PRELID2: variants seen among roughly 807,000 people sequenced by gnomAD.
PRELID2 encodes PRELI domain containing 2, also known as PRELI domain-containing protein 2.
PRELID2 carries 25 observed loss-of-function variants against 28.4 expected under a neutral mutation model. That is an observed-to-expected ratio of 0.88 (90% CI 0.64 to 1.23). PRELID2 has a LOEUF of 1.23. PRELID2 is among the 50% of genes most tolerant of loss of function. PRELID2 has a pLI of 0.00. For missense variants in PRELID2, 201 were observed against 214.4 expected (o/e 0.94, Z 0.39); for synonymous variants, 76 against 71.6 (o/e 1.06, Z -0.31).
At chr5:145,305,887 C>CAGA in the PRELID2 span, among the ~76,000 whole-genome samples, 5 of 152,276 alleles carry the variant, frequency 3.3e-5, no homozygotes, top group South Asian at 6.2e-4. Flanking sequence ...CATTTTTGTG[C>CAGA]AGATGCCCAT....
chr5:145,769,302 G>T (rs1757962413), intron 5 of PRELID2, among the ~76,000 whole-genome samples: 1 of 152,044 alleles, frequency 6.6e-6, no homozygotes, highest in South Asian at 2.1e-4. Context: ...TATCTCGCAG[G>T]TTCATTTCCC....
chr5:145,241,211 G>A, the PRELID2 span, among the ~76,000 whole-genome samples: 40,818 of 151,758 alleles, frequency 0.27, 6,036 homozygotes, highest in Non-Finnish European at 0.31. Context: ...ATACATCTAT[G>A]AGACTAGACT....
rs1274760832 is a variant in PRELID2, at chr5:145,756,774, T to C, written c.*3762A>G. Among the ~76,000 whole-genome samples the C allele has an allele frequency of 1.3e-5, 2 of 152,120 alleles. No individual in the cohort carries two copies. The highest frequency in any genetic ancestry group is 2.9e-5 in the Non-Finnish European group (2 of 68,028). On this transcript the variant is annotated 3_prime_UTR_variant, in exon 7 of 7. Transcript: ENST00000683046. ...ATCCTCTCTACTCTTATTCAACATA[T>C]AGTATGCAGTTACACAATTTCCCAA...
At chr5:145,503,257 T>C (rs777852366) in intron 1 of PRELID2, among the ~76,000 whole-genome samples, 5 of 152,122 alleles carry the variant, frequency 3.3e-5, no homozygotes, top group African/African-American at 4.8e-5. Context: ...CATGAGCTAT[T>C]CTAATCCTCT....
chr5:145,752,225 T>A (rs1443110339), downstream of PRELID2, among the ~76,000 whole-genome samples: 2 of 152,216 alleles, frequency 1.3e-5, no homozygotes, highest in Non-Finnish European at 2.9e-5. Context: ...TTAGCATTTA[T>A]TTTTCCAAGA....
At chr5:145,499,895 T>C (rs1445084924) in intron 1 of PRELID2, among the ~76,000 whole-genome samples, 3 of 152,202 alleles carry the variant, frequency 2.0e-5, no homozygotes, top group Admixed American at 2.0e-4. Flanking sequence ...CAAACAAATG[T>C]GAAATTCCAG....
At chr5:145,329,705 A>G in the PRELID2 span, among the ~76,000 whole-genome samples, 1 of 152,214 alleles carries the variant, frequency 6.6e-6, no homozygotes, top group Non-Finnish European at 1.5e-5. Flanking sequence ...TTTTCTAAAT[A>G]TACAATCATG....
the PRELID2 span, among the ~76,000 whole-genome samples, chr5:145,411,381 G>A: frequency 1.3e-5 from 2 of 152,082 alleles, no homozygotes; most frequent in South Asian, 2.1e-4. Context: ...CAACATGCGG[G>A]AATTCAAGAT....
the PRELID2 span, among the ~76,000 whole-genome samples, chr5:145,277,380 C>T: frequency 6.6e-6 from 1 of 152,072 alleles, no homozygotes; most frequent in Admixed American, 6.6e-5. Context: ...ATATTTGATG[C>T]CTCTGAAACT....
intron 5 of PRELID2, among the ~76,000 whole-genome samples, chr5:145,768,947 A>T (rs1352031675): frequency 6.6e-6 from 1 of 152,128 alleles, no homozygotes; most frequent in Non-Finnish European, 1.5e-5. Flanking sequence ...AAAAAAAAAC[A>T]CCTAACAGGG....
rs78382167 is a variant in PRELID2 at position 145,714,965 on chromosome 5, C to T, written n.70+49966G>A. On this transcript the variant is annotated intron_variant and non_coding_transcript_variant, in intron 1 of 2. Coordinates refer to the PRELID2 transcript ENST00000510259. ...CTACATACTCAATCTAGGAGTATGT[C>T]GATAACTTAATCCTAGACCTCTTTC... is the stretch of plus-strand genomic sequence containing the variant. Among the ~76,000 whole-genome samples, 134 of 152,176 alleles carry T rather than the reference C, an allele frequency of 8.8e-4. 1 individual carries two copies. In the East Asian group the frequency reaches 0.025, roughly 28 times the overall value.
At chr5:145,528,566 TCA>T (rs1173326836) in intron 1 of PRELID2, among the ~76,000 whole-genome samples, 1 of 152,058 alleles carries the variant, frequency 6.6e-6, no homozygotes, top group East Asian at 1.9e-4. Context: ...CAAGTTTTTA[TCA>T]CAGTGAAAGG....
chr5:145,695,181 A>G lies in PRELID2; in HGVS notation n.70+69750T>C, dbSNP rs934854579. On this transcript the variant is annotated intron_variant and non_coding_transcript_variant, in intron 1 of 2. Transcript: ENST00000510259. ...GGAAACAAACAGGTACAGGGAGGGG[A>G]GCTACCCCTTTAGAGCAGTTGGAGA... Among the ~76,000 whole-genome samples, 3 of 152,204 alleles carry G rather than the reference A, an allele frequency of 2.0e-5. No individual in the cohort carries two copies. In the East Asian group the frequency reaches 5.8e-4, roughly 29 times the overall value.
At chr5:145,768,416 A>G (rs1257525971) in intron 5 of PRELID2, among the ~76,000 whole-genome samples, 4 of 152,148 alleles carry the variant, frequency 2.6e-5, no homozygotes, top group African/African-American at 7.2e-5. Flanking sequence ...CTGGGGATTA[A>G]ATGGTGAATG....
intron 1 of PRELID2, among the ~76,000 whole-genome samples, chr5:145,615,226 C>T (rs1158284552): frequency 6.6e-6 from 1 of 151,996 alleles, no homozygotes; most frequent in Non-Finnish European, 1.5e-5. Context: ...GAATAACTAC[C>T]CCTGCTCGCT....
intron 4 of PRELID2, among the ~76,000 whole-genome samples, chr5:145,816,684 A>G (rs115825262): frequency 0.026 from 3,943 of 152,254 alleles, 177 homozygotes; most frequent in African/African-American, 0.091. Flanking sequence ...GTTGAAAGAA[A>G]TATTCTTTCC....
chr5:145,678,245 C>T (rs527362372), intron 1 of PRELID2, among the ~76,000 whole-genome samples: 6 of 152,280 alleles, frequency 3.9e-5, no homozygotes, highest in South Asian at 4.1e-4. Context: ...AAGATTTGGG[C>T]GGTTCTCACT....
chr5:145,406,732 G>A, the PRELID2 span, among the ~76,000 whole-genome samples: 1 of 152,214 alleles, frequency 6.6e-6, no homozygotes, highest in Admixed American at 6.5e-5. Flanking sequence ...AACTCCATGA[G>A]CTGAACAACT....
intron 5 of PRELID2, among the ~76,000 whole-genome samples, chr5:145,778,911 T>C (rs77567907): frequency 8.5e-4 from 130 of 152,266 alleles, no homozygotes; most frequent in African/African-American, 3.1e-3. Flanking sequence ...GTAACAATAG[T>C]ACTCACCATA....
Sources: gnomAD v4.1 joint callset for allele counts (sites outside exome capture counted in the v4.1 genomes callset) on GRCh38, gnomAD v4.1.1 for gene constraint, MANE v1.5 for transcripts, NCBI Gene and HGNC (gene_info 2026-07-23, HGNC 2026-07-21) for gene names.